MTMR3: variants seen among roughly 807,000 people sequenced by gnomAD.
MTMR3 encodes myotubularin related protein 3.
Under a neutral mutation model 132.4 loss-of-function variants are expected in MTMR3, and 32 were observed. The ratio of observed to expected loss-of-function variants is 0.24; its 90% CI spans 0.18 to 0.32. The LOEUF is 0.32. Ranked by LOEUF, MTMR3 falls within the 10% of genes least tolerant of loss-of-function variation. MTMR3 has a pLI of 1.00. For missense variants in MTMR3, 1,216 were observed against 1,489.6 expected, an observed-to-expected ratio of 0.82 and a Z score of 3.02; for synonymous variants, 556 against 550.3, an observed-to-expected ratio of 1.01 and a Z score of -0.14.
At chr22:29,915,215 T>C (rs1024433884) in intron 1 of MTMR3, among the ~76,000 whole-genome samples, 4 of 152,228 alleles carry the variant, frequency 2.6e-5, no homozygotes, top group Admixed American at 6.5e-5. Flanking sequence ...TTATAATGAC[T>C]TGTCCCACTT....
Position 29,978,641 on chromosome 22 carries a change from TGTA to T in MTMR3, c.93+115_93+117del, listed in dbSNP as rs1385294884. The T allele has an allele frequency of 4.1e-5, 32 of 786,356 alleles. 1 individual carries two copies. Among genetic ancestry groups the T allele is most frequent in the Admixed American group, 6.1e-5 (2 of 33,040 alleles). The allele number at this position is 786,356 out of a possible 1,614,324, so 48.7% of individuals were successfully genotyped here. On this transcript the variant is annotated intron_variant, in intron 4 of 19. Coordinates refer to ENST00000401950, the MANE Select transcript of MTMR3 (RefSeq NM_021090.4). The stretch of plus-strand genomic sequence containing the variant: ...ATATTATATATATATATAACATACA[TGTA>T]GTAGAAATGCAAGCTGGAAAACATC...
intron 7 of MTMR3, chr22:29,996,803 T>G (rs1034162911): frequency 6.6e-6 from 1 of 152,260 alleles, no homozygotes; most frequent in Non-Finnish European, 1.5e-5. Context: ...GATGGCTCAC[T>G]GCAGCCTCAA....
intron 19 of MTMR3, chr22:30,022,950 C>T (rs1371641979): frequency 4.0e-6 from 2 of 503,546 alleles, no homozygotes; most frequent in African/African-American, 3.8e-5. Context: ...ATTGGTGAAA[C>T]AACAGCCACC....
chr22:29,947,085 A>G (rs1156501712), intron 1 of MTMR3, among the ~76,000 whole-genome samples: 1 of 152,228 alleles, frequency 6.6e-6, no homozygotes, highest in Non-Finnish European at 1.5e-5. Context: ...CCAGCATTTT[A>G]ACATATATAC....
At chr22:30,003,790 T>C (rs575606484) in intron 9 of MTMR3, 16 of 152,342 alleles carry the variant, frequency 1.1e-4, no homozygotes, top group African/African-American at 3.4e-4. Context: ...AATATCTTAG[T>C]TCTCACAGAA....
At chr22:29,938,357 A>G (rs920002740) in intron 1 of MTMR3, among the ~76,000 whole-genome samples, 3 of 152,222 alleles carry the variant, frequency 2.0e-5, no homozygotes, top group Admixed American at 6.5e-5. Context: ...TCGCTTTGTC[A>G]TAAATCTCCG....
At chr22:29,970,924 C>A in intron 2 of MTMR3, 52 bp from the exon 3 acceptor site, 1 of 780,914 alleles carries the variant, frequency 1.3e-6, no homozygotes, top group Non-Finnish European at 2.0e-6. Context: ...GCCAATTTTG[C>A]CTCCCCTCCT....
At position 29,937,883 on chromosome 22, in the gene MTMR3, A is replaced by T. The variant is rs184819511; in HGVS notation, c.-137-19153A>T. Among the ~76,000 whole-genome samples the T allele has an allele frequency of 1.3e-3, 195 of 152,310 alleles. 1 individual carries two copies. Among genetic ancestry groups the T allele is most frequent in the African/African-American group, 4.6e-3 (191 of 41,568 alleles). On this transcript the variant is annotated intron_variant, in intron 1 of 19. Coordinates refer to ENST00000401950, the MANE Select transcript of MTMR3 (RefSeq NM_021090.4). ...CCTAATTTGGCATCAGTCTGTACTGAGTTGATGCTTCAGTAGGTTTGAGAC... is the reference window on the plus strand; with the variant it reads ...CCTAATTTGGCATCAGTCTGTACTGTGTTGATGCTTCAGTAGGTTTGAGAC...
chr22:29,981,571 C>T (rs955041624), intron 5 of MTMR3: 6 of 152,192 alleles, frequency 3.9e-5, no homozygotes, highest in African/African-American at 1.2e-4. Flanking sequence ...CAGTGATGCA[C>T]GCCTGTAATC....
intron 5 of MTMR3, chr22:29,984,426 C>G (rs1468785662): frequency 6.6e-6 from 1 of 152,156 alleles, no homozygotes; most frequent in Non-Finnish European, 1.5e-5. Flanking sequence ...GTGGACATAA[C>G]CTGTGCATGT....
chr22:29,891,223 A>G (rs1377973972), intron 1 of MTMR3, among the ~76,000 whole-genome samples: 2 of 152,014 alleles, frequency 1.3e-5, no homozygotes, highest in South Asian at 4.1e-4. Flanking sequence ...CAAAAAATCA[A>G]CAAGGATGAT....
intron 1 of MTMR3, among the ~76,000 whole-genome samples, chr22:29,899,031 A>C (rs931408689): frequency 6.6e-6 from 1 of 151,890 alleles, no homozygotes; most frequent in African/African-American, 2.4e-5. Flanking sequence ...TGATGGGACA[A>C]ATTTTTCTTG....
intron 17 of MTMR3, 144 bp downstream of exon 17, chr22:30,021,028 G>A: frequency 1.2e-6 from 1 of 814,332 alleles, no homozygotes; most frequent in Non-Finnish European, 1.9e-6. Flanking sequence ...AGAGAGGCTG[G>A]AGATGAGCCT....
At position 30,028,318 on chromosome 22, in the gene MTMR3, CAG is replaced by C. The variant is rs761743873; in HGVS notation, c.*2523_*2524del. 5.9e-5 allele frequency: 9 copies of C among 152,386 alleles called. No individual in the cohort carries two copies. The highest frequency in any genetic ancestry group is 3.4e-3 in the Middle Eastern group (1 of 294). The allele number at this position is 152,386 out of a possible 1,614,324, so 9.4% of individuals were successfully genotyped here. On this transcript the variant is annotated 3_prime_UTR_variant, in exon 20 of 20. Coordinates refer to ENST00000401950, the MANE Select transcript of MTMR3 (RefSeq NM_021090.4). The stretch of plus-strand genomic sequence containing the variant: ...TCTTGAAGGATAGACTATGGGTGGG[CAG>C]AGAGAACTGGGGGCAGAAATGGAAT...
At chr22:29,997,472 A>AT (rs1375913613) in intron 7 of MTMR3, 1 of 152,208 alleles carries the variant, frequency 6.6e-6, no homozygotes, top group Non-Finnish European at 1.5e-5. Context: ...TCTGCTTAAT[A>AT]TTTTTTAAAA....
chr22:29,965,141 C>G (rs2066389926), intron 2 of MTMR3, among the ~76,000 whole-genome samples: 2 of 151,956 alleles, frequency 1.3e-5, no homozygotes, highest in Admixed American at 6.6e-5. Flanking sequence ...ACATTTAGCA[C>G]AATTTGTAAT....
chr22:29,970,952 C>A, intron 2 of MTMR3, 24 bp from the exon 3 acceptor site: 5 of 312,928 alleles, frequency 1.6e-5, no homozygotes, highest in East Asian at 8.9e-5. Flanking sequence ...TTTTCTTCTT[C>A]CCCCTCTTCC....
chr22:29,887,579 G>A (rs1202966355), intron 1 of MTMR3, among the ~76,000 whole-genome samples: 1 of 152,196 alleles, frequency 6.6e-6, no homozygotes, highest in Non-Finnish European at 1.5e-5. Flanking sequence ...CATGTATCCT[G>A]TCTGCCAGTC....
At chr22:30,014,855 G>T (rs2067535417) in intron 14 of MTMR3, 1 of 152,146 alleles carries the variant, frequency 6.6e-6, no homozygotes, top group African/African-American at 2.4e-5. Context: ...TCAGCCTCCA[G>T]GCTGCTCCTC....
Sources: gnomAD v4.1 joint callset for allele counts (sites outside exome capture counted in the v4.1 genomes callset) on GRCh38, gnomAD v4.1.1 for gene constraint, MANE v1.5 for transcripts, NCBI Gene and HGNC (gene_info 2026-07-23, HGNC 2026-07-21) for gene names.